The following NRP1 variants were observed in gnomAD, a reference collection of about 807,000 sequenced individuals.
NRP1 encodes the protein neuropilin 1.
NRP1 carries 35 observed loss-of-function variants against 106.7 expected under a neutral mutation model. The observed-to-expected ratio is 0.33, with a 90% CI of 0.25 to 0.43. The LOEUF (loss-of-function observed/expected upper bound fraction) is 0.43, where lower values mean the gene tolerates loss of function less well. Ranked by LOEUF, NRP1 falls within the 20% of genes least tolerant of loss-of-function variation. The pLI is 1.00. For missense variants in NRP1, 1,024 were observed against 1,170.4 expected (o/e 0.87, Z 1.83); for synonymous variants, 437 against 417.9 (o/e 1.05, Z -0.56).
chr10:33,278,834 G>A lies in NRP1; in HGVS notation c.249-7978C>T, dbSNP rs570521148. The stretch of plus-strand genomic sequence containing the variant: ...TTTAAGCTTTTGTAATGTCTCAGGG[G>A]TCATAATAAAGACTATCAATAATTT... On this transcript the variant is annotated intron_variant, in intron 2 of 16. Transcript: ENST00000374867. 1.3e-4 allele frequency among the ~76,000 whole-genome samples: 20 copies of A among 152,194 alleles called. No homozygotes were observed. In the East Asian group the frequency reaches 3.7e-3, roughly 28 times the overall value.
At chr10:33,233,713 T>C (rs1224360934) in intron 6 of NRP1, among the ~76,000 whole-genome samples, 1 of 152,050 alleles carries the variant, frequency 6.6e-6, no homozygotes, top group African/African-American at 2.4e-5. Context: ...CCTGAAAAAA[T>C]AGAGGACAAA....
rs769642572 is a variant in NRP1 at position 33,221,899 on chromosome 10, G to A, written c.1138-36C>T. The A allele has an allele frequency of 7.0e-6, 11 of 1,575,986 alleles. 1 individual carries two copies. The highest frequency in any genetic ancestry group is 3.4e-4 in the Middle Eastern group (2 of 5,924). On this transcript the variant is annotated intron_variant, in intron 7 of 16. Transcript: ENST00000374867. ...AAAAAAAGTGCCTTTCTTTAGCAGAGGTTTTGGATTTAAATCCATAAATGT... is the reference window on the plus strand; with the variant it reads ...AAAAAAAGTGCCTTTCTTTAGCAGAAGTTTTGGATTTAAATCCATAAATGT...
chr10:33,192,566 C>T, intron 12 of NRP1, 148 bp from the exon 13 acceptor site: 1 of 783,310 alleles, frequency 1.3e-6, no homozygotes, highest in South Asian at 2.2e-5. Flanking sequence ...GCCAGGATTA[C>T]CAAGAAACCA....
At chr10:33,191,029 A>T (rs1836373918) in intron 13 of NRP1, among the ~76,000 whole-genome samples, 1 of 144,040 alleles carries the variant, frequency 6.9e-6, no homozygotes, top group East Asian at 2.4e-4. Flanking sequence ...TTAAAAAAAA[A>T]ATTTATTTTG....
chr10:33,281,853 A>G (rs145091184), intron 2 of NRP1, among the ~76,000 whole-genome samples: 172 of 152,300 alleles, frequency 1.1e-3, no homozygotes, highest in African/African-American at 4.0e-3. Flanking sequence ...AGAGAACCAA[A>G]TGGAGAAGAG....
At chr10:33,248,373 A>T (rs1315085050) in intron 6 of NRP1, among the ~76,000 whole-genome samples, 3 of 152,196 alleles carry the variant, frequency 2.0e-5, no homozygotes, top group Non-Finnish European at 4.4e-5. Context: ...TTAATTTAAA[A>T]ATCTTTCAAG....
intron 10 of NRP1, chr10:33,206,405 C>T (rs11812181): frequency 1.8e-5 from 9 of 493,520 alleles, no homozygotes; most frequent in South Asian, 4.4e-5. Context: ...AACAACCACA[C>T]GGTGAAGAAT....
At chr10:33,293,323 A>AGAG (rs1407288324) in intron 2 of NRP1, among the ~76,000 whole-genome samples, 1 of 152,192 alleles carries the variant, frequency 6.6e-6, no homozygotes, top group Non-Finnish European at 1.5e-5. Context: ...CAGCCAGTGC[A>AGAG]GAGGAAAACA....
Position 33,213,682 on chromosome 10 carries a change from C to G in NRP1, c.1318G>C (p.Gly440Arg). Reference protein sequence around the residue: ...PCSGMLGMVSGLISDSQITSS... With the variant: ...PCSGMLGMVSRLISDSQITSS... ...GTGATCTGGGAGTCAGAAATAAGTC[C>G]AGACACCATACCCAACATTCCAGAG... Residue 440 changes from glycine (G) to arginine (R), a missense_variant, in exon 9 of 17, where the codon GGA (glycine) becomes CGA (arginine). Gly to Arg is a moderately radical substitution (Grantham distance 125). Transcript: ENST00000374867. The G allele has an allele frequency of 6.2e-7, 1 of 1,610,820 alleles. No individual in the cohort carries two copies.
rs570449562 is a variant in NRP1 at position 33,221,973 on chromosome 10, T to C, written c.1138-110A>G. 3 of 1,221,146 alleles carry C rather than the reference T, an allele frequency of 2.5e-6. No individual in the cohort carries two copies. In the African/African-American group the frequency reaches 4.5e-5, roughly 18 times the overall value. The allele number at this position is 1,221,146 out of a possible 1,614,324, so 75.6% of individuals were successfully genotyped here. A position where few individuals can be genotyped will look rare whatever the true frequency, so the allele number is the denominator to read the frequency against. ...TTATTTACAATTTCAGTGTTGTCGA[T>C]CAAGGATGAGATGGCGTTAATAACT... is the stretch of plus-strand genomic sequence containing the variant. On this transcript the variant is annotated intron_variant, in intron 7 of 16. Coordinates refer to ENST00000374867, the MANE Select transcript of NRP1 (RefSeq NM_003873.7).
chr10:33,186,169 A>T (rs1452720096), intron 14 of NRP1, 48 bp downstream of exon 14: 13 of 1,532,138 alleles, frequency 8.5e-6, no homozygotes, highest in Non-Finnish European at 1.1e-5. Flanking sequence ...ATATCATCTC[A>T]GCATTCCTGC....
intron 16 of NRP1, among the ~76,000 whole-genome samples, chr10:33,182,488 C>T (rs1292572982): frequency 2.6e-5 from 4 of 152,092 alleles, no homozygotes; most frequent in African/African-American, 9.7e-5. Context: ...GACCCGTCAC[C>T]GAGGCTCCCC....
intron 2 of NRP1, among the ~76,000 whole-genome samples, chr10:33,272,505 AGAG>A (rs970886404): frequency 2.0e-5 from 3 of 151,976 alleles, no homozygotes; most frequent in African/African-American, 4.8e-5. Context: ...AGGAGGAGAA[AGAG>A]GAGGAGGAGG....
At chr10:33,189,028 A>C (rs1398608551) in intron 13 of NRP1, among the ~76,000 whole-genome samples, 2 of 150,804 alleles carry the variant, frequency 1.3e-5, no homozygotes, top group East Asian at 2.0e-4. Context: ...ACAAAGAGGG[A>C]GCGCTGGCAG....
chr10:33,301,867 T>C (rs922601427), intron 2 of NRP1, among the ~76,000 whole-genome samples: 3 of 152,182 alleles, frequency 2.0e-5, no homozygotes, highest in Non-Finnish European at 2.9e-5. Flanking sequence ...AAAGAACATA[T>C]GGATAGCAAC....
chr10:33,334,436 A>G lies in NRP1; in HGVS notation c.-54T>C. Reference sequence around the variant, plus strand: ...GCGGGAGAACGAGGACGTGGGGGGAAATGCAGCAAAGAGGAGAATCTAAGC... The same window carrying G: ...GCGGGAGAACGAGGACGTGGGGGGAGATGCAGCAAAGAGGAGAATCTAAGC... On this transcript the variant is annotated 5_prime_UTR_variant, in exon 1 of 17. Coordinates refer to ENST00000374867, the MANE Select transcript of NRP1 (RefSeq NM_003873.7). 1 of 1,466,258 alleles carries G rather than the reference A, an allele frequency of 6.8e-7. No homozygotes were observed. Among genetic ancestry groups the G allele is most frequent in the South Asian group, 1.2e-5 (1 of 82,428 alleles). 90.8% of individuals were successfully genotyped at this position (1,466,258 alleles called of 1,614,324 possible). A position where few individuals can be genotyped will look rare whatever the true frequency, so the allele number is the denominator to read the frequency against.
intron 2 of NRP1, among the ~76,000 whole-genome samples, chr10:33,293,598 G>A (rs995696275): frequency 6.6e-6 from 1 of 152,312 alleles, no homozygotes; most frequent in South Asian, 2.1e-4. Context: ...CCACAGCAAA[G>A]TCAGCACTGG....
chr10:33,308,305 CT>C (rs915316586), intron 2 of NRP1, among the ~76,000 whole-genome samples: 3 of 151,396 alleles, frequency 2.0e-5, no homozygotes, highest in Non-Finnish European at 4.4e-5. Context: ...ACACTAAACC[CT>C]TGTGACATGC....
intron 10 of NRP1, chr10:33,205,826 A>AATT (rs1837727859): frequency 5.5e-6 from 1 of 182,594 alleles, no homozygotes; most frequent in African/African-American, 2.4e-5. Context: ...CCTAAACCAT[A>AATT]ATTTCATTTT....
Sources: allele counts gnomAD v4.1 joint callset (sites outside exome capture counted in the v4.1 genomes callset), GRCh38; gene constraint gnomAD v4.1.1; transcripts MANE v1.5; gene names NCBI Gene and HGNC (gene_info 2026-07-23, HGNC 2026-07-21).